The following ADAM28 variants were observed in gnomAD, a reference collection of about 807,000 sequenced individuals.
The protein encoded by ADAM28 is disintegrin and metalloproteinase domain-containing protein 28.
In ADAM28, 105 loss-of-function variants were observed where a neutral mutation model predicts 101.2. The ratio of observed to expected loss-of-function variants is 1.04; its 90% CI spans 0.89 to 1.22. The LOEUF (loss-of-function observed/expected upper bound fraction) is 1.22. Among genes scored for constraint, ADAM28 ranks in the 50% most tolerant of loss-of-function variants. ADAM28 has a pLI of 0.00. For synonymous variants in ADAM28, 322 were observed against 310.6 expected (o/e 1.04, Z -0.39); for missense variants, 1,028 against 945.4 (o/e 1.09, Z -1.15).
At position 24,349,901 on chromosome 8, in the gene ADAM28, G is replaced by C; in HGVS notation, c.2028G>C (p.Ala676=). 3 of 1,613,648 alleles carry C rather than the reference G, an allele frequency of 1.9e-6. No homozygotes were observed. The highest frequency in any genetic ancestry group is 2.2e-5 in the East Asian group (1 of 44,814). Residue 676 remains alanine (A), a synonymous_variant, in exon 19 of 23, where the codon GCG becomes GCC. Transcript: ENST00000265769. ...TGGTTGGGGTGCTGTTCCCAATGGC[G>C]GTCATTTTTGTGGTGGTTGCTATGG... ...SIVVGVLFPM[A]VIFVVVAMVI...
chr8:24,320,780 G>A (rs1253063584), intron 7 of ADAM28, among the ~76,000 whole-genome samples: 1 of 151,860 alleles, frequency 6.6e-6, no homozygotes, highest in South Asian at 2.1e-4. Context: ...CATATACTGT[G>A]TTTTCAAAAT....
At chr8:24,304,636 C>T (rs948988463) in intron 2 of ADAM28, among the ~76,000 whole-genome samples, 5 of 151,960 alleles carry the variant, frequency 3.3e-5, no homozygotes, top group Admixed American at 6.6e-5. Context: ...GAGATTGAGG[C>T]GGGTGGGTCA....
chr8:24,341,809 G>A, intron 16 of ADAM28, 52 bp downstream of exon 16: 1 of 1,609,654 alleles, frequency 6.2e-7, no homozygotes. Context: ...ACTTTGGTGT[G>A]CTTTGTTGTT....
At chr8:24,301,658 G>GTT (rs1808795955) in intron 2 of ADAM28, among the ~76,000 whole-genome samples, 1 of 152,148 alleles carries the variant, frequency 6.6e-6, no homozygotes, top group South Asian at 2.1e-4. Context: ...TCAAACCTCT[G>GTT]TTTGACTCCA....
chr8:24,311,361 G>A lies in ADAM28; in HGVS notation c.307G>A (p.Asp103Asn), dbSNP rs149348249. The A allele has an allele frequency of 1.1e-5, 17 of 1,610,906 alleles. No homozygotes were observed. Among genetic ancestry groups the A allele is most frequent in the Middle Eastern group, 1.7e-4 (1 of 6,032 alleles). ...KEITTSPQIMDDCYYQGHILN... is the reference protein window; with the variant it reads ...KEITTSPQIMNDCYYQGHILN... ...CTTTACAAAACCCCTTTTCCTTTAG[G>A]ATGATTGTTATTATCAAGGACATAT... The change falls in exon 5 of 23, where the codon GAT becomes AAT. Residue 103 changes from aspartate (D) to asparagine (N), a missense_variant and splice_region_variant. Coordinates refer to ENST00000265769, the MANE Select transcript of ADAM28 (RefSeq NM_014265.6).
chr8:24,330,130 G>T lies in ADAM28; in HGVS notation c.1103+15G>T, dbSNP rs200138010. ...AAAGCACTGAGGTGAGGCTCTCTGG[G>T]CCCTGGGGACATGCTATGTAGCCCT... On this transcript the variant is annotated intron_variant, in intron 11 of 22. Coordinates refer to ENST00000265769, the MANE Select transcript of ADAM28 (RefSeq NM_014265.6). 2.1e-3 allele frequency: 3,318 copies of T among 1,609,890 alleles called. 6 individuals carry two copies. Among genetic ancestry groups the T allele is most frequent in the Non-Finnish European group, 2.5e-3 (2,971 of 1,177,138 alleles).
intron 2 of ADAM28, among the ~76,000 whole-genome samples, chr8:24,301,472 A>C (rs1004797000): frequency 4.6e-5 from 7 of 152,158 alleles, no homozygotes; most frequent in Non-Finnish European, 8.8e-5. Flanking sequence ...AATCTAAAAT[A>C]AAAGTTGGAA....
At chr8:24,343,681 C>T in intron 18 of ADAM28, 97 bp downstream of exon 18, 1 of 1,099,982 alleles carries the variant, frequency 9.1e-7, no homozygotes, top group Non-Finnish European at 1.3e-6. Flanking sequence ...TTTCTCTGTT[C>T]TTGAAATTTC....
At chr8:24,331,023 A>T in intron 11 of ADAM28, 127 bp from the exon 12 acceptor site, 1 of 851,844 alleles carries the variant, frequency 1.2e-6, no homozygotes, top group Non-Finnish European at 1.8e-6. Flanking sequence ...ACGATCTGGC[A>T]GTTGGTCAGT....
intron 14 of ADAM28, chr8:24,336,097 TAAGAAAAGATGGAA>T: frequency 1.0e-6 from 1 of 986,588 alleles, no homozygotes; most frequent in African/African-American, 1.8e-5. Context: ...GGGACAGAAA[TAAGAAAAGATGGAA>T]AAAAGAAAAG....
At chr8:24,341,435 G>T (rs957370621) in intron 15 of ADAM28, 163 bp from the exon 16 acceptor site, 3 of 695,578 alleles carry the variant, frequency 4.3e-6, no homozygotes, top group African/African-American at 1.8e-5. Context: ...TTGTGCTAAC[G>T]TTCAGGCATC....
At chr8:24,340,339 G>A (rs905435273) in intron 15 of ADAM28, among the ~76,000 whole-genome samples, 2 of 152,012 alleles carry the variant, frequency 1.3e-5, no homozygotes, top group Admixed American at 1.3e-4. Flanking sequence ...TTGGATATAG[G>A]GTTATCTCTT....
At chr8:24,307,825 C>T (rs541496783) in intron 2 of ADAM28, among the ~76,000 whole-genome samples, 1 of 152,298 alleles carries the variant, frequency 6.6e-6, no homozygotes, top group Non-Finnish European at 1.5e-5. Flanking sequence ...AAATATCTTA[C>T]AGCACAATTC....
intron 16 of ADAM28, among the ~76,000 whole-genome samples, chr8:24,342,330 C>A (rs558082597): frequency 2.0e-5 from 3 of 152,108 alleles, no homozygotes; most frequent in Non-Finnish European, 4.4e-5. Context: ...TAAAGCCAAT[C>A]CTCAGAATAT....
rs1052772291 is a variant in ADAM28 at position 24,355,460 on chromosome 8, C to A, written c.*1056C>A. On this transcript the variant is annotated 3_prime_UTR_variant, in exon 23 of 23. Transcript: ENST00000265769. ...AAGTAAGTCAAGTCAATTAAAATAACCTCATTTTTCCTTGCTAGTGGTCGA... is the reference window on the plus strand; with the variant it reads ...AAGTAAGTCAAGTCAATTAAAATAAACTCATTTTTCCTTGCTAGTGGTCGA... 5 of 151,908 alleles carry A rather than the reference C, an allele frequency of 3.3e-5. No homozygotes were observed. Among genetic ancestry groups the A allele is most frequent in the Non-Finnish European group, 7.4e-5 (5 of 67,956 alleles). The allele number at this position is 151,908 out of a possible 1,614,324, so 9.4% of individuals were successfully genotyped here. A position where few individuals can be genotyped will look rare whatever the true frequency, so the allele number is the denominator to read the frequency against.
At chr8:24,334,171 T>C (rs1298257731) in intron 13 of ADAM28, among the ~76,000 whole-genome samples, 2 of 152,218 alleles carry the variant, frequency 1.3e-5, no homozygotes, top group Non-Finnish European at 2.9e-5. Flanking sequence ...ATGATATACA[T>C]ATATGAAACA....
chr8:24,349,933 G>A lies in ADAM28; in HGVS notation c.2060G>A (p.Arg687Gln), dbSNP rs780931542. The change falls in exon 19 of 23, where the codon CGG becomes CAG. Residue 687 changes from arginine (R) to glutamine (Q), a missense_variant. Physicochemically the swap from Arg to Gln is conservative, Grantham distance 43. Coordinates refer to ENST00000265769, the MANE Select transcript of ADAM28 (RefSeq NM_014265.6). ...TTTGTGGTGGTTGCTATGGTAATCCGGCACCAGAGCTCCAGAGAAAAGCAG... is the reference window on the plus strand; with the variant it reads ...TTTGTGGTGGTTGCTATGGTAATCCAGCACCAGAGCTCCAGAGAAAAGCAG... ...VIFVVVAMVI[R>Q]HQSSREKQKK... is the part of the protein sequence containing the mutation. 5.6e-6 allele frequency: 9 copies of A among 1,613,502 alleles called. No individual in the cohort carries two copies. Among genetic ancestry groups the A allele is most frequent in the Admixed American group, 3.3e-5 (2 of 59,962 alleles).
At chr8:24,340,360 G>T (rs1243443384) in intron 15 of ADAM28, among the ~76,000 whole-genome samples, 1 of 152,128 alleles carries the variant, frequency 6.6e-6, no homozygotes, top group Non-Finnish European at 1.5e-5. Flanking sequence ...GGGAGAATCT[G>T]TGCCTAAAGA....
At chr8:24,349,299 A>G (rs531789077) in intron 18 of ADAM28, among the ~76,000 whole-genome samples, 1 of 152,324 alleles carries the variant, frequency 6.6e-6, no homozygotes, top group South Asian at 2.1e-4. Context: ...TTGTCAGTAC[A>G]AGAAAAAACA....
Sources: gnomAD v4.1 joint callset for allele counts (sites outside exome capture counted in the v4.1 genomes callset) on GRCh38, gnomAD v4.1.1 for gene constraint, MANE v1.5 for transcripts, NCBI Gene and HGNC (gene_info 2026-07-23, HGNC 2026-07-21) for gene names.